DNAH3: variants seen among roughly 807,000 people sequenced by gnomAD.
DNAH3 encodes the protein dynein axonemal heavy chain 3, also known as axonemal beta dynein heavy chain 3.
A neutral mutation model predicts 432.5 loss-of-function variants in DNAH3; 332 were observed. That is an observed-to-expected ratio of 0.77 (90% CI 0.70 to 0.84). The LOEUF (loss-of-function observed/expected upper bound fraction) is 0.84. Among genes scored for constraint, DNAH3 ranks in the 40% least tolerant of loss-of-function variants. The probability of loss-of-function intolerance (pLI) is 0.00; values close to 1 mark genes in which losing one functional copy is unlikely to be tolerated. For synonymous variants in DNAH3, 1,956 were observed against 1,900.2 expected, an observed-to-expected ratio of 1.03 and a Z score of -0.76; for missense variants, 4,861 against 5,114.0, an observed-to-expected ratio of 0.95 and a Z score of 1.51.
chr16:20,952,182 T>C (rs2084346592), intron 56 of DNAH3, among the ~76,000 whole-genome samples: 1 of 152,202 alleles, frequency 6.6e-6, no homozygotes, highest in African/African-American at 2.4e-5. Flanking sequence ...CCCGCTGGCC[T>C]GTATCATTTT....
At chr16:21,016,979 T>A (rs1406295759) in intron 41 of DNAH3, among the ~76,000 whole-genome samples, 1 of 152,016 alleles carries the variant, frequency 6.6e-6, no homozygotes, top group South Asian at 2.1e-4. Context: ...GAAAGTAGAA[T>A]GGTTATTTCC....
chr16:21,077,722 T>C (rs2091025155), intron 20 of DNAH3, among the ~76,000 whole-genome samples: 1 of 152,118 alleles, frequency 6.6e-6, no homozygotes, highest in Non-Finnish European at 1.5e-5. Context: ...AGCCAAGTTC[T>C]TGGAAGTGGA....
At chr16:21,141,523 T>A (rs1597478333) in intron 3 of DNAH3, 151 bp from the exon 5 acceptor site, 1 of 604,680 alleles carries the variant, frequency 1.7e-6, no homozygotes, top group Non-Finnish European at 2.9e-6. Context: ...TGGGCTCAGG[T>A]CTCATGTGCA....
intron 54 of DNAH3, among the ~76,000 whole-genome samples, chr16:20,957,808 C>CAAAAAAAAAAAAAAAAAAAAAAA (rs762197650): frequency 5.6e-5 from 3 of 53,284 alleles, no homozygotes; most frequent in Non-Finnish European, 7.5e-5. Context: ...ACTCCATCTC[C>CAAAAAAAAAAAAAAAAAAAAAAA]AAAAAAAAAA....
chr16:21,073,290 T>C (rs2090859319), intron 21 of DNAH3, among the ~76,000 whole-genome samples: 1 of 152,216 alleles, frequency 6.6e-6, no homozygotes, highest in East Asian at 1.9e-4. Flanking sequence ...CTGTAGTTAC[T>C]TTAGGCAAAA....
chr16:20,944,752 AATC>A, intron 57 of DNAH3, 89 bp from the exon 58 acceptor site: 1 of 1,256,944 alleles, frequency 8.0e-7, no homozygotes, highest in Non-Finnish European at 1.1e-6. Context: ...TCAGAACAGG[AATC>A]ATACTGTATC....
intron 18 of DNAH3, among the ~76,000 whole-genome samples, chr16:21,094,472 A>G (rs2091623307): frequency 6.6e-6 from 1 of 152,104 alleles, no homozygotes; most frequent in Non-Finnish European, 1.5e-5. Context: ...GGAGTTTGAG[A>G]TCAGCCTGGC....
intron 39 of DNAH3, among the ~76,000 whole-genome samples, chr16:21,022,744 C>A (rs1385148545): frequency 6.7e-6 from 1 of 149,820 alleles, no homozygotes; most frequent in African/African-American, 2.4e-5. Context: ...TATTTACTTA[C>A]TAAATTTTTT....
chr16:21,149,047 A>G (rs546523631), intron 1 of DNAH3, among the ~76,000 whole-genome samples: 3 of 152,238 alleles, frequency 2.0e-5, no homozygotes, highest in East Asian at 1.9e-4. Context: ...CCTGGCCAAC[A>G]TGGAGAAATC....
At chr16:21,153,963 G>A (rs774772370) in intron 1 of DNAH3, among the ~76,000 whole-genome samples, 1 of 152,166 alleles carries the variant, frequency 6.6e-6, no homozygotes, top group East Asian at 1.9e-4. Flanking sequence ...TATACATACG[G>A]TTTCAAATAG....
chr16:21,148,441 T>C, intron 1 of DNAH3, among the ~76,000 whole-genome samples: 1 of 140,704 alleles, frequency 7.1e-6, no homozygotes, highest in Admixed American at 7.1e-5. Flanking sequence ...TATTATTATT[T>C]ATTTTTTTTT....
intron 49 of DNAH3, among the ~76,000 whole-genome samples, chr16:20,981,296 C>G (rs1031739194): frequency 1.3e-5 from 2 of 152,184 alleles, no homozygotes; most frequent in Non-Finnish European, 1.5e-5. Context: ...CATCCACCCA[C>G]TGAATTCTAC....
chr16:21,075,584 G>A (rs775860333), intron 20 of DNAH3, 23 bp from the exon 21 acceptor site: 6 of 1,557,096 alleles, frequency 3.9e-6, no homozygotes, highest in Middle Eastern at 1.7e-4. Flanking sequence ...CACAGCAACA[G>A]CAACATCAAC....
intron 41 of DNAH3, among the ~76,000 whole-genome samples, chr16:21,018,510 G>A (rs891816295): frequency 4.6e-5 from 7 of 152,122 alleles, no homozygotes; most frequent in Non-Finnish European, 1.0e-4. Context: ...AAGAAATGAT[G>A]TCACACACAT....
intron 49 of DNAH3, among the ~76,000 whole-genome samples, chr16:20,980,177 A>G (rs2085797673): frequency 7.3e-6 from 1 of 137,462 alleles, no homozygotes; most frequent in Admixed American, 7.7e-5. Context: ...AAAAATATAT[A>G]TATATATATA....
At chr16:20,977,137 G>A (rs550549283) in intron 50 of DNAH3, among the ~76,000 whole-genome samples, 10 of 152,272 alleles carry the variant, frequency 6.6e-5, no homozygotes, top group East Asian at 1.9e-4. Flanking sequence ...CACTTTGGGA[G>A]GCTGAGGTGG....
chr16:20,970,741 T>C (rs1251216297), intron 51 of DNAH3, among the ~76,000 whole-genome samples: 2 of 152,024 alleles, frequency 1.3e-5, no homozygotes, highest in Non-Finnish European at 2.9e-5. Flanking sequence ...GGGAAAGAAA[T>C]AATTGGAAAG....
intron 5 of DNAH3, among the ~76,000 whole-genome samples, chr16:21,137,074 C>T (rs1228805235): frequency 2.6e-5 from 4 of 152,020 alleles, no homozygotes; most frequent in Non-Finnish European, 5.9e-5. Context: ...GTGGAGGTTG[C>T]AGTGAGCCAA....
intron 8 of DNAH3, among the ~76,000 whole-genome samples, chr16:21,126,314 A>T (rs1457884916): frequency 6.6e-6 from 1 of 152,080 alleles, no homozygotes; most frequent in Non-Finnish European, 1.5e-5. Context: ...AAAAGGTACT[A>T]CTCTAGCAAC....
Sources: gnomAD v4.1 joint callset for allele counts (sites outside exome capture counted in the v4.1 genomes callset) on GRCh38, gnomAD v4.1.1 for gene constraint, MANE v1.5 for transcripts, NCBI Gene and HGNC (gene_info 2026-07-23, HGNC 2026-07-21) for gene names.